SEZ6: variants seen among roughly 807,000 people sequenced by gnomAD.
The protein encoded by SEZ6 is seizure protein 6 homolog.
Under a neutral mutation model 101.0 loss-of-function variants are expected in SEZ6, and 53 were observed. The ratio of observed to expected loss-of-function variants is 0.52; its 90% CI spans 0.42 to 0.66. SEZ6 has a LOEUF of 0.66. Among genes scored for constraint, SEZ6 ranks in the 30% least tolerant of loss-of-function variants. The pLI is 0.00. For missense variants in SEZ6, 1,102 were observed against 1,289.4 expected (o/e 0.85, Z 2.23); for synonymous variants, 488 against 512.2 (o/e 0.95, Z 0.64).
intron 3 of SEZ6, 78 bp from the exon 4 acceptor site, chr17:28,970,030 C>T: frequency 7.4e-7 from 1 of 1,352,132 alleles, no homozygotes; most frequent in Non-Finnish European, 9.8e-7. Context: ...CCTCAGGATC[C>T]TGCAGGCCCC....
chr17:29,000,007 T>A (rs1333317668), intron 1 of SEZ6, among the ~76,000 whole-genome samples: 1 of 152,252 alleles, frequency 6.6e-6, no homozygotes, highest in Non-Finnish European at 1.5e-5. Context: ...ATGTCTTGGG[T>A]CTGTCTGACA....
chr17:28,976,458 G>A (rs1186887867), intron 3 of SEZ6, among the ~76,000 whole-genome samples: 1 of 152,172 alleles, frequency 6.6e-6, no homozygotes, highest in African/African-American at 2.4e-5. Flanking sequence ...CACTCTTCTT[G>A]CCCAGACTTT....
intron 3 of SEZ6, among the ~76,000 whole-genome samples, chr17:28,974,447 C>T (rs968363294): frequency 6.6e-6 from 1 of 152,222 alleles, no homozygotes; most frequent in African/African-American, 2.4e-5. Context: ...CACCCGTGCT[C>T]CCTCACAGCA....
In SEZ6 at chr17:28,957,533, G is replaced by T; in HGVS notation, c.2309C>A (p.Ser770Tyr). ...EDLPSCQRVTSCHDPGDVEHS... is the reference protein window; with the variant it reads ...EDLPSCQRVTYCHDPGDVEHS... ...CTCCACATCTCCAGGATCGTGGCAG[G>T]AAGTCACTATGGGTAGGGGGTGATG... Residue 770 changes from serine (S) to tyrosine (Y), a missense_variant, in exon 12 of 17, where the codon TCC becomes TAC. Transcript: ENST00000317338. 1 of 1,611,272 alleles carries T rather than the reference G, an allele frequency of 6.2e-7. No individual in the cohort carries two copies. Among genetic ancestry groups the T allele is most frequent in the African/African-American group, 1.3e-5 (1 of 74,306 alleles).
At chr17:28,969,525 G>A (rs1426283266) in intron 4 of SEZ6, among the ~76,000 whole-genome samples, 1 of 152,206 alleles carries the variant, frequency 6.6e-6, no homozygotes, top group Non-Finnish European at 1.5e-5. Flanking sequence ...ACCTGATCCT[G>A]AGTCAAGACC....
At chr17:28,956,681 G>A in intron 14 of SEZ6, 38 bp downstream of exon 14, 1 of 1,554,254 alleles carries the variant, frequency 6.4e-7, no homozygotes, top group Non-Finnish European at 8.7e-7. Flanking sequence ...ACCAGGACCA[G>A]GGAGACCACT....
chr17:28,970,001 G>A (rs2041128599), intron 3 of SEZ6, 49 bp from the exon 4 acceptor site: 1 of 1,481,806 alleles, frequency 6.7e-7, no homozygotes. Flanking sequence ...ACTTCTTCCT[G>A]CTGCCTGGAT....
chr17:28,979,775 G>A lies in SEZ6; in HGVS notation c.763C>T (p.Leu255=), dbSNP rs771359807. 1.9e-6 allele frequency: 3 copies of A among 1,613,120 alleles called. No individual in the cohort carries two copies. The South Asian group carries it at 3.3e-5, about 18-fold the overall frequency. Residue 255 remains leucine, a synonymous_variant, in exon 3 of 17, where the codon CTG becomes TTG. Coordinates refer to ENST00000317338, the MANE Select transcript of SEZ6 (RefSeq NM_178860.5). ...GAGCTGAGGTCTGTAGGGGAGTCCA[G>A]AGAGCCCTCTGGGCCTGAGAAATTC... ...SWNFSGPEGS[L]DSPTDLSSPT... is the part of the protein sequence containing the mutation.
chr17:29,005,248 T>C lies in SEZ6; in HGVS notation c.55+567A>G, dbSNP rs979605099. 2.0e-5 allele frequency among the ~76,000 whole-genome samples: 3 copies of C among 152,078 alleles called. No homozygotes were observed. The highest frequency in any genetic ancestry group is 4.8e-5 in the African/African-American group (2 of 41,420). ...TTTCTCTCTAGAATTGTGCTCTAGG[T>C]CCCGACTCTGGCGTGGCAGCGCCAG... On this transcript the variant is annotated intron_variant, in intron 1 of 16. Coordinates refer to ENST00000317338, the MANE Select transcript of SEZ6 (RefSeq NM_178860.5). The surrounding 1 kb of genome is among the most constrained non-coding windows in gnomAD (Gnocchi z 4.8).
rs1441269280 is a variant in SEZ6, at chr17:28,959,602, A to G, written c.1771+96T>C. On this transcript the variant is annotated intron_variant, in intron 8 of 16. Transcript: ENST00000317338. This position sits in a 1 kb window ranked among gnomAD's most constrained non-coding sequence, Gnocchi z 4.4. ...TCCTTGGAGGAAGCCTGAACCACGC[A>G]TATCACAGGGCCCCTGTGGCCCCGG... is the stretch of plus-strand genomic sequence containing the variant. 12 of 1,537,660 alleles carry G rather than the reference A, an allele frequency of 7.8e-6. No individual in the cohort carries two copies. The highest frequency in any genetic ancestry group is 1.0e-5 in the Non-Finnish European group (12 of 1,143,332).
At chr17:28,960,020 G>C (rs1336483169) in intron 7 of SEZ6, 128 bp from the exon 8 acceptor site, 24 of 1,043,610 alleles carry the variant, frequency 2.3e-5, no homozygotes, top group Non-Finnish European at 3.0e-5. Context: ...ATGTCCTGGG[G>C]TTGGAGCAGG....
intron 3 of SEZ6, among the ~76,000 whole-genome samples, chr17:28,976,196 G>A (rs1567992018): frequency 6.6e-6 from 1 of 152,240 alleles, no homozygotes; most frequent in African/African-American, 2.4e-5. Flanking sequence ...CATCAAAGGA[G>A]GTGGGAGGCA....
chr17:28,980,449 A>G (rs1309460409), intron 2 of SEZ6, among the ~76,000 whole-genome samples: 1 of 150,894 alleles, frequency 6.6e-6, no homozygotes, highest in African/African-American at 2.4e-5. Flanking sequence ...GGCTCACTGC[A>G]AGCTCTGACT....
At chr17:28,974,610 A>C (rs1185572268) in intron 3 of SEZ6, among the ~76,000 whole-genome samples, 1 of 152,190 alleles carries the variant, frequency 6.6e-6, no homozygotes, top group Non-Finnish European at 1.5e-5. Context: ...GGAAGTTGAG[A>C]GATCCTCTTT....
chr17:28,958,167 A>G (rs1353233340), intron 10 of SEZ6, 26 bp from the exon 11 acceptor site: 4 of 1,569,482 alleles, frequency 2.5e-6, no homozygotes, highest in Non-Finnish European at 3.5e-6. Context: ...CACAAGATGC[A>G]GGCCCTCGGC....
intron 3 of SEZ6, 129 bp downstream of exon 3, chr17:28,979,551 C>T (rs1029500442): frequency 2.0e-5 from 28 of 1,372,008 alleles, no homozygotes; most frequent in Admixed American, 8.1e-5. Context: ...ATCTCCCAGC[C>T]CTGGCCTTAG....
intron 5 of SEZ6, among the ~76,000 whole-genome samples, chr17:28,961,732 T>C (rs1260762589): frequency 6.6e-6 from 1 of 152,134 alleles, no homozygotes; most frequent in Admixed American, 6.5e-5. Context: ...TCCTGGCGGT[T>C]ATGTGAGGCC....
chr17:28,960,070 A>G (rs914642829), intron 7 of SEZ6, among the ~76,000 whole-genome samples, 178 bp from the exon 8 acceptor site: 1 of 152,062 alleles, frequency 6.6e-6, no homozygotes. Context: ...ATCCATCCCT[A>G]TTATGCTCAG....
intron 1 of SEZ6, among the ~76,000 whole-genome samples, chr17:28,997,541 C>T (rs749166680): frequency 5.9e-5 from 9 of 152,200 alleles, no homozygotes; most frequent in Non-Finnish European, 8.8e-5. Context: ...AACCAGCTGG[C>T]GCTCACCCCC....
Sources: allele counts gnomAD v4.1 joint callset (sites outside exome capture counted in the v4.1 genomes callset), GRCh38; gene constraint gnomAD v4.1.1; non-coding constraint Gnocchi (gnomAD v3.1); transcripts MANE v1.5; gene names NCBI Gene and HGNC (gene_info 2026-07-23, HGNC 2026-07-21).